The following C7 variants were observed in gnomAD, a reference collection of about 807,000 sequenced individuals.
The protein encoded by C7 is complement component C7.
In C7, 83 loss-of-function variants were observed where a neutral mutation model predicts 104.8. That is an observed-to-expected ratio of 0.79 (90% CI 0.66 to 0.95). The LOEUF (loss-of-function observed/expected upper bound fraction) is 0.95, where lower values mean the gene tolerates loss of function less well. Ranked by LOEUF, C7 falls within the 40% of genes least tolerant of loss-of-function variation. C7 has a pLI of 0.00. For synonymous variants in C7, 415 were observed against 360.6 expected (o/e 1.15, Z -1.71); for missense variants, 1,070 against 1,011.2 (o/e 1.06, Z -0.79).
chr5:40,957,296 G>T (rs1029372148), intron 10 of C7, among the ~76,000 whole-genome samples: 1 of 152,130 alleles, frequency 6.6e-6, no homozygotes, highest in African/African-American at 2.4e-5. Flanking sequence ...AATAGCCAAC[G>T]CAGAGTAATA....
intron 6 of C7, among the ~76,000 whole-genome samples, chr5:40,943,518 T>C (rs905085998): frequency 2.6e-5 from 4 of 152,042 alleles, no homozygotes; most frequent in Admixed American, 1.3e-4. Context: ...AGAGGTTTAT[T>C]TGTATTTGAA....
chr5:40,918,687 T>TA (rs201227337), intron 1 of C7, among the ~76,000 whole-genome samples: 7,285 of 143,152 alleles, frequency 0.051, 538 homozygotes, highest in African/African-American at 0.16. Context: ...TCAAAAACTG[T>TA]AAAAAAAAAA....
intron 1 of C7, among the ~76,000 whole-genome samples, chr5:40,920,700 T>A (rs1739420451): frequency 6.6e-6 from 1 of 152,010 alleles, no homozygotes. Flanking sequence ...GCATTCAAAT[T>A]TAAAGGGAAG....
At chr5:40,979,698 A>T in intron 16 of C7, 27 bp from the exon 17 acceptor site, 1 of 1,590,262 alleles carries the variant, frequency 6.3e-7, no homozygotes, top group South Asian at 1.1e-5. Context: ...AAATCTTGTA[A>T]ATAATGTCAT....
rs567783004 is a variant in C7 at position 40,915,956 on chromosome 5, A to G, written c.6+6340A>G. Reference sequence around the variant, plus strand: ...TGGGGAGTTCAGGAAGAAGAGAGAAAATATTGGGCTATTAAAATGTGAGAT... The same window carrying G: ...TGGGGAGTTCAGGAAGAAGAGAGAAGATATTGGGCTATTAAAATGTGAGAT... On this transcript the variant is annotated intron_variant, in intron 1 of 17. Coordinates refer to ENST00000313164, the MANE Select transcript of C7 (RefSeq NM_000587.4). 7.2e-5 allele frequency among the ~76,000 whole-genome samples: 11 copies of G among 152,338 alleles called. No individual in the cohort carries two copies. The East Asian group carries it at 2.1e-3, about 29-fold the overall frequency.
intron 15 of C7, among the ~76,000 whole-genome samples, chr5:40,974,426 T>C (rs925016090): frequency 2.6e-5 from 4 of 151,700 alleles, no homozygotes; most frequent in African/African-American, 9.7e-5. Flanking sequence ...AATACATTTT[T>C]TTTTTTTGAG....
chr5:40,934,025 C>T (rs564068616), intron 3 of C7, among the ~76,000 whole-genome samples: 1 of 148,722 alleles, frequency 6.7e-6, no homozygotes, highest in East Asian at 2.0e-4. Flanking sequence ...AATCAGGTTA[C>T]TTTCTTAAAG....
chr5:40,966,353 A>G (rs1466895099), intron 14 of C7, among the ~76,000 whole-genome samples: 3 of 151,682 alleles, frequency 2.0e-5, no homozygotes, highest in African/African-American at 7.3e-5. Context: ...GTGAGTGAGA[A>G]CATGCAATGT....
At chr5:40,965,648 A>ATATATATATATATT (rs35802990) in intron 14 of C7, among the ~76,000 whole-genome samples, 1 of 130,312 alleles carries the variant, frequency 7.7e-6, no homozygotes, top group Non-Finnish European at 1.6e-5. Context: ...ATATATATAT[A>ATATATATATATATT]TTTTTTTTTT....
chr5:40,911,436 A>T (rs1457666742), intron 1 of C7, among the ~76,000 whole-genome samples: 2 of 152,212 alleles, frequency 1.3e-5, no homozygotes, highest in African/African-American at 2.4e-5. Context: ...TTGGAGAAGG[A>T]TGTCAGGGAC....
rs1740434693 is a variant in C7, at chr5:40,962,133, C to A, written c.1710C>A (p.Phe570Leu). Reference protein sequence around the residue: ...CFPLSLVPTEFCPSPPALKDG... With the variant: ...CFPLSLVPTELCPSPPALKDG... ...CTTTGTCTTTGGTTCCAACAGAATT[C>A]TGTCCATCACCTCCTGCCTTGAAAG... is the stretch of plus-strand genomic sequence containing the variant. Residue 570 changes from phenylalanine (F) to leucine (L), a missense_variant, in exon 13 of 18, where the codon TTC becomes TTA. By Grantham distance (22) the Phe-to-Leu change is conservative. Coordinates refer to ENST00000313164, the MANE Select transcript of C7 (RefSeq NM_000587.4). 1 of 1,570,250 alleles carries A rather than the reference C, an allele frequency of 6.4e-7. No individual in the cohort carries two copies. Among genetic ancestry groups the A allele is most frequent in the Middle Eastern group, 1.7e-4 (1 of 5,934 alleles).
intron 1 of C7, among the ~76,000 whole-genome samples, chr5:40,916,343 C>T (rs1474216438): frequency 6.6e-6 from 1 of 152,150 alleles, no homozygotes; most frequent in East Asian, 1.9e-4. Context: ...GTGTTTTAAA[C>T]ATCAAACGGA....
chr5:40,970,039 C>G (rs909602730), intron 14 of C7, among the ~76,000 whole-genome samples: 12 of 151,930 alleles, frequency 7.9e-5, no homozygotes, highest in African/African-American at 1.2e-4. Flanking sequence ...TTTTGGAAGG[C>G]ATAAGATGTG....
intron 1 of C7, among the ~76,000 whole-genome samples, chr5:40,910,358 T>C (rs1739181242): frequency 6.6e-6 from 1 of 152,178 alleles, no homozygotes; most frequent in South Asian, 2.1e-4. Context: ...TTTAAAAATG[T>C]TGCATTGTAA....
intron 15 of C7, among the ~76,000 whole-genome samples, chr5:40,973,600 C>T (rs1469335786): frequency 6.6e-6 from 1 of 152,330 alleles, no homozygotes. Flanking sequence ...GGAGTGCCCT[C>T]CCTGCCTGTC....
At chr5:40,978,673 G>A (rs958551339) in intron 16 of C7, among the ~76,000 whole-genome samples, 2 of 152,114 alleles carry the variant, frequency 1.3e-5, no homozygotes, top group African/African-American at 4.8e-5. Flanking sequence ...ACTAAATAAA[G>A]TGTGTGAATA....
At position 40,955,771 on chromosome 5, in the gene C7, C is replaced by G. The variant is rs1206062913; in HGVS notation, c.1260+218C>G. On this transcript the variant is annotated intron_variant, in intron 10 of 17. Coordinates refer to ENST00000313164, the MANE Select transcript of C7 (RefSeq NM_000587.4). ...TTAGTTGCAAATGTTAAATGTCTTGCAATTTCCAAGATAAATTAATGACAA... is the reference window on the plus strand; with the variant it reads ...TTAGTTGCAAATGTTAAATGTCTTGGAATTTCCAAGATAAATTAATGACAA... Among the ~76,000 whole-genome samples the G allele has an allele frequency of 2.0e-5, 3 of 152,122 alleles. No homozygotes were observed. The East Asian group carries it at 5.8e-4, about 29-fold the overall frequency.
intron 16 of C7, among the ~76,000 whole-genome samples, chr5:40,978,019 A>G (rs1007964726): frequency 1.3e-5 from 2 of 151,948 alleles, no homozygotes; most frequent in African/African-American, 4.8e-5. Context: ...TTGTAGTCCC[A>G]GCTACTCAGG....
chr5:40,971,233 C>A (rs958833974), intron 14 of C7, among the ~76,000 whole-genome samples: 32 of 152,214 alleles, frequency 2.1e-4, no homozygotes, highest in African/African-American at 7.5e-4. Context: ...TTCTCCACAT[C>A]CCCACCAGCA....
Sources: allele counts gnomAD v4.1 joint callset (sites outside exome capture counted in the v4.1 genomes callset), GRCh38; gene constraint gnomAD v4.1.1; transcripts MANE v1.5; gene names NCBI Gene and HGNC (gene_info 2026-07-23, HGNC 2026-07-21).